The following FAM120A variants were observed in gnomAD, a reference collection of about 807,000 sequenced individuals.
The protein encoded by FAM120A is constitutive coactivator of PPAR-gamma-like protein 1.
FAM120A carries 15 observed loss-of-function variants against 109.7 expected under a neutral mutation model. The ratio of observed to expected loss-of-function variants is 0.14; its 90% CI spans 0.09 to 0.21. The LOEUF is 0.21. FAM120A is among the 10% of genes least tolerant of loss of function. FAM120A has a pLI of 1.00. For synonymous variants in FAM120A, 493 were observed against 572.8 expected, an observed-to-expected ratio of 0.86 and a Z score of 1.99; for missense variants, 899 against 1,439.3, an observed-to-expected ratio of 0.62 and a Z score of 6.07.
intron 3 of FAM120A, among the ~76,000 whole-genome samples, chr9:93,493,107 C>G (rs1480621038): frequency 6.6e-6 from 1 of 152,180 alleles, no homozygotes; most frequent in Non-Finnish European, 1.5e-5. Flanking sequence ...CCCAGGCTCT[C>G]CGGGTGCTAC....
intron 13 of FAM120A, among the ~76,000 whole-genome samples, chr9:93,556,846 C>T (rs1481177676): frequency 2.0e-5 from 3 of 152,162 alleles, no homozygotes; most frequent in Non-Finnish European, 4.4e-5. Context: ...GAATACTGAC[C>T]ATTGCTCCTA....
intron 11 of FAM120A, among the ~76,000 whole-genome samples, chr9:93,549,681 G>C (rs1862026523): frequency 6.6e-6 from 1 of 152,184 alleles, no homozygotes; most frequent in Non-Finnish European, 1.5e-5. Context: ...AACTCCTTTT[G>C]AGTTATTTGC....
intron 5 of FAM120A, among the ~76,000 whole-genome samples, chr9:93,513,871 T>C (rs1860450380): frequency 6.6e-6 from 1 of 152,192 alleles, no homozygotes; most frequent in African/African-American, 2.4e-5. Flanking sequence ...GCCATGGACA[T>C]TTGCTTTTCA....
At position 93,566,027 on chromosome 9, in the gene FAM120A, G is replaced by A. The variant is rs1862620159; in HGVS notation, c.*1487G>A. 1 of 152,610 alleles carries A rather than the reference G, an allele frequency of 6.6e-6. No homozygotes were observed. Among genetic ancestry groups the A allele is most frequent in the Admixed American group, 6.5e-5 (1 of 15,288 alleles). 9.5% of individuals were successfully genotyped at this position (152,610 alleles called of 1,614,324 possible). On this transcript the variant is annotated 3_prime_UTR_variant, in exon 18 of 18. Transcript: ENST00000277165. ...GAACTGCTGTTGGGTTTGATTGACT[G>A]TCGATGGATTGTGGTGTGGTGTATC...
At chr9:93,527,289 A>G in intron 8 of FAM120A, 47 bp downstream of exon 8, 2 of 1,322,680 alleles carry the variant, frequency 1.5e-6, no homozygotes, top group African/African-American at 1.4e-5. Flanking sequence ...CTCATTTTGT[A>G]TTAGCACACT....
intron 5 of FAM120A, among the ~76,000 whole-genome samples, chr9:93,499,941 A>G (rs1859728725): frequency 6.6e-6 from 1 of 152,240 alleles, no homozygotes; most frequent in Non-Finnish European, 1.5e-5. Flanking sequence ...GATCAGAGGC[A>G]TGGCACTGGC....
At chr9:93,561,488 G>A (rs1862464623) in intron 16 of FAM120A, among the ~76,000 whole-genome samples, 1 of 152,094 alleles carries the variant, frequency 6.6e-6, no homozygotes, top group African/African-American at 2.4e-5. Flanking sequence ...TTGACTTTCT[G>A]GGCTCCATCG....
chr9:93,466,472 C>CT (rs1161430555), intron 1 of FAM120A, among the ~76,000 whole-genome samples: 2 of 151,926 alleles, frequency 1.3e-5, no homozygotes, highest in African/African-American at 4.8e-5. Flanking sequence ...CTTTCTGGAC[C>CT]TACGAGATGC....
At chr9:93,554,152 C>CAA (rs1346182514) in intron 12 of FAM120A, among the ~76,000 whole-genome samples, 2 of 149,792 alleles carry the variant, frequency 1.3e-5, no homozygotes, top group Admixed American at 6.6e-5. Flanking sequence ...CACACACACA[C>CAA]ACACACACAC....
At chr9:93,559,742 T>C (rs1862408833) in intron 15 of FAM120A, among the ~76,000 whole-genome samples, 1 of 152,184 alleles carries the variant, frequency 6.6e-6, no homozygotes, top group Admixed American at 6.5e-5. Flanking sequence ...TGGCCTGTAG[T>C]TGGGATCAAA....
intron 3 of FAM120A, among the ~76,000 whole-genome samples, chr9:93,480,749 C>A (rs1858763837): frequency 6.6e-6 from 1 of 152,050 alleles, no homozygotes; most frequent in African/African-American, 2.4e-5. Context: ...AAGGAAAATA[C>A]ATTGAATATC....
In FAM120A at chr9:93,517,308, A is replaced by G. The variant is rs545727857; in HGVS notation, c.1418+1039A>G. ...GTTTATTTGCTGTATATGCAATGCC[A>G]AGACTCTAAAATGAAGTAAAGAGTT... is the stretch of plus-strand genomic sequence containing the variant. On this transcript the variant is annotated intron_variant, in intron 7 of 17. Coordinates refer to ENST00000277165, the MANE Select transcript of FAM120A (RefSeq NM_014612.5). Among the ~76,000 whole-genome samples the G allele has an allele frequency of 3.7e-3, 558 of 152,368 alleles. 11 individuals carry two copies. The highest frequency in any genetic ancestry group is 5.1e-3 in the Non-Finnish European group (349 of 68,032).
chr9:93,555,171 C>A (rs916693274), intron 12 of FAM120A, among the ~76,000 whole-genome samples: 1 of 151,814 alleles, frequency 6.6e-6, no homozygotes, highest in Non-Finnish European at 1.5e-5. Flanking sequence ...GCCCTACCTG[C>A]CCCCAAGGGA....
chr9:93,526,587 A>G (rs1588882789), intron 7 of FAM120A, among the ~76,000 whole-genome samples: 1 of 151,954 alleles, frequency 6.6e-6, no homozygotes, highest in East Asian at 1.9e-4. Flanking sequence ...CTGTGAACCC[A>G]CCAAGTTTGT....
chr9:93,517,338 T>C (rs1860645117), intron 7 of FAM120A, among the ~76,000 whole-genome samples: 1 of 152,252 alleles, frequency 6.6e-6, no homozygotes, highest in African/African-American at 2.4e-5. Flanking sequence ...AGAGTTGCAA[T>C]TGAATATTCA....
At chr9:93,486,503 A>T (rs1859060720) in intron 3 of FAM120A, among the ~76,000 whole-genome samples, 1 of 148,808 alleles carries the variant, frequency 6.7e-6, no homozygotes, top group Non-Finnish European at 1.5e-5. Context: ...CTATGCTTAG[A>T]TATTTTTTTC....
Position 93,483,383 on chromosome 9 carries a change from T to G in FAM120A, c.804+7045T>G, listed in dbSNP as rs988308273. On this transcript the variant is annotated intron_variant, in intron 3 of 17. Coordinates refer to ENST00000277165, the MANE Select transcript of FAM120A (RefSeq NM_014612.5). Reference sequence around the variant, plus strand: ...TTTAAAACATTCTTCTGTTTGTTTGTTTTTTTTTTAAACATAGTCTATTGG... The same window carrying G: ...TTTAAAACATTCTTCTGTTTGTTTGGTTTTTTTTTAAACATAGTCTATTGG... Among the ~76,000 whole-genome samples, 19 of 149,704 alleles carry G rather than the reference T, an allele frequency of 1.3e-4. No individual in the cohort carries two copies. The South Asian group carries it at 1.7e-3, about 13-fold the overall frequency.
chr9:93,453,547 C>T (rs1857389037), intron 1 of FAM120A: 18 of 985,286 alleles, frequency 1.8e-5, no homozygotes, highest in Non-Finnish European at 2.2e-5. Flanking sequence ...GCGGTTGCCC[C>T]CACTGCCCGC....
chr9:93,536,080 C>T (rs924305628), intron 10 of FAM120A, among the ~76,000 whole-genome samples: 3 of 152,158 alleles, frequency 2.0e-5, no homozygotes, highest in Non-Finnish European at 4.4e-5. Flanking sequence ...CTCATTGTGC[C>T]ACAATGAAGC....
Sources: allele counts gnomAD v4.1 joint callset (sites outside exome capture counted in the v4.1 genomes callset), GRCh38; gene constraint gnomAD v4.1.1; transcripts MANE v1.5; gene names NCBI Gene and HGNC (gene_info 2026-07-23, HGNC 2026-07-21).